The following STK32B variants were observed in gnomAD, a reference collection of about 807,000 sequenced individuals.
The protein encoded by STK32B is serine/threonine-protein kinase 32B.
A neutral mutation model predicts 52.6 loss-of-function variants in STK32B; 43 were observed. The ratio of observed to expected loss-of-function variants is 0.82; its 90% confidence interval spans 0.64 to 1.05. The LOEUF (loss-of-function observed/expected upper bound fraction) is 1.05. Among genes scored for constraint, STK32B ranks in the 50% least tolerant of loss-of-function variants. STK32B has a pLI of 0.00. For synonymous variants in STK32B, 238 were observed against 204.3 expected (o/e 1.17, Z -1.41); for missense variants, 621 against 534.6 (o/e 1.16, Z -1.59).
chr4:5,056,186 C>T (rs1742000022), intron 1 of STK32B, among the ~76,000 whole-genome samples: 1 of 152,150 alleles, frequency 6.6e-6, no homozygotes, highest in South Asian at 2.1e-4. Flanking sequence ...GAGAATCTAA[C>T]TAACGCCTGA....
chr4:5,225,348 T>C (rs1009099462), intron 3 of STK32B, among the ~76,000 whole-genome samples: 4 of 151,826 alleles, frequency 2.6e-5, no homozygotes, highest in African/African-American at 9.7e-5. Context: ...CGGAGGTTGC[T>C]GTGAGCCGAG....
intron 6 of STK32B, among the ~76,000 whole-genome samples, chr4:5,417,720 C>A (rs1471287296): frequency 6.6e-6 from 1 of 152,082 alleles, no homozygotes; most frequent in African/African-American, 2.4e-5. Context: ...TTCTGAATGT[C>A]TATATTGTTA....
chr4:5,162,838 A>G (rs924166045), intron 2 of STK32B, among the ~76,000 whole-genome samples: 1 of 152,220 alleles, frequency 6.6e-6, no homozygotes, highest in African/African-American at 2.4e-5. Flanking sequence ...GGACCTGGAT[A>G]GAGTTTGCTG....
At chr4:5,390,779 A>G (rs974787114) in intron 4 of STK32B, among the ~76,000 whole-genome samples, 1 of 152,070 alleles carries the variant, frequency 6.6e-6, no homozygotes, top group African/African-American at 2.4e-5. Flanking sequence ...CCAGAAGTCC[A>G]ATATCAAGAT....
intron 3 of STK32B, among the ~76,000 whole-genome samples, chr4:5,238,825 A>T (rs1359644203): frequency 2.6e-5 from 4 of 152,228 alleles, no homozygotes; most frequent in Non-Finnish European, 5.9e-5. Context: ...GGCACAGATA[A>T]GCATATGCCA....
intron 3 of STK32B, among the ~76,000 whole-genome samples, chr4:5,209,522 C>A (rs767718076): frequency 1.3e-5 from 2 of 152,156 alleles, no homozygotes; most frequent in Non-Finnish European, 2.9e-5. Context: ...CTGTGCCCAG[C>A]CTAGAGCTTA....
chr4:5,481,990 T>C (rs1577575888), intron 11 of STK32B, among the ~76,000 whole-genome samples: 1 of 152,340 alleles, frequency 6.6e-6, no homozygotes, highest in East Asian at 1.9e-4. Flanking sequence ...TACTGTAGTC[T>C]TGTAGTACAG....
chr4:5,071,936 C>T (rs898948771), intron 1 of STK32B, among the ~76,000 whole-genome samples: 12 of 152,228 alleles, frequency 7.9e-5, no homozygotes, highest in African/African-American at 2.4e-4. Flanking sequence ...AAACAAAACA[C>T]AAGATCAGGC....
intron 3 of STK32B, among the ~76,000 whole-genome samples, chr4:5,236,583 C>T (rs1724653831): frequency 6.6e-6 from 1 of 152,128 alleles, no homozygotes; most frequent in Non-Finnish European, 1.5e-5. Context: ...TACAGTAGGT[C>T]TGAGACGTAT....
intron 5 of STK32B, among the ~76,000 whole-genome samples, chr4:5,402,286 A>C (rs1457907290): frequency 6.6e-6 from 1 of 152,228 alleles, no homozygotes; most frequent in Non-Finnish European, 1.5e-5. Context: ...GTGATGGAAG[A>C]GGCCAGTGGA....
chr4:5,251,026 A>G (rs1319031222), intron 3 of STK32B, among the ~76,000 whole-genome samples: 1 of 152,074 alleles, frequency 6.6e-6, no homozygotes, highest in Admixed American at 6.5e-5. Context: ...TACTCTGTTG[A>G]TAGTTTCTTT....
intron 7 of STK32B, among the ~76,000 whole-genome samples, chr4:5,449,204 A>G (rs1174382636): frequency 6.6e-6 from 1 of 152,166 alleles, no homozygotes; most frequent in Non-Finnish European, 1.5e-5. Flanking sequence ...TTATCCTGGC[A>G]TGGTGGCGGG....
At chr4:5,443,761 A>C (rs1314627067) in intron 6 of STK32B, among the ~76,000 whole-genome samples, 1 of 151,912 alleles carries the variant, frequency 6.6e-6, no homozygotes, top group African/African-American at 2.4e-5. Context: ...GATGATGGTG[A>C]TGTACAGATG....
At chr4:5,106,806 A>G (rs1714133516) in intron 1 of STK32B, among the ~76,000 whole-genome samples, 1 of 152,172 alleles carries the variant, frequency 6.6e-6, no homozygotes, top group Non-Finnish European at 1.5e-5. Context: ...TTCATTTACT[A>G]GATTTTATTA....
intron 3 of STK32B, among the ~76,000 whole-genome samples, chr4:5,232,049 T>A (rs1483734022): frequency 6.6e-6 from 1 of 151,346 alleles, no homozygotes; most frequent in East Asian, 2.0e-4. Flanking sequence ...TGGGGTGGAG[T>A]GGTGAAGAAT....
chr4:5,196,369 G>A (rs1423468447), intron 3 of STK32B, among the ~76,000 whole-genome samples: 1 of 142,002 alleles, frequency 7.0e-6, no homozygotes, highest in Non-Finnish European at 1.5e-5. Flanking sequence ...TGGTGGTGGG[G>A]GGCCCACCTC....
chr4:5,070,201 C>A (rs1052165596), intron 1 of STK32B, among the ~76,000 whole-genome samples: 2 of 152,166 alleles, frequency 1.3e-5, no homozygotes, highest in African/African-American at 4.8e-5. Flanking sequence ...GCTGAACCCT[C>A]GTGCTACCTG....
At chr4:5,159,823 TG>T (rs1718295355) in intron 2 of STK32B, among the ~76,000 whole-genome samples, 1 of 148,464 alleles carries the variant, frequency 6.7e-6, no homozygotes, top group African/African-American at 2.5e-5. Context: ...TATTGGAGTT[TG>T]ATTGATTTCG....
chr4:5,475,057 G>A (rs1368337322), intron 11 of STK32B, among the ~76,000 whole-genome samples: 1 of 152,148 alleles, frequency 6.6e-6, no homozygotes, highest in Non-Finnish European at 1.5e-5. Context: ...CTAAAAGGCT[G>A]TGTGGATTGC....
Sources: gnomAD v4.1 joint callset for allele counts (sites outside exome capture counted in the v4.1 genomes callset) on GRCh38, gnomAD v4.1.1 for gene constraint, MANE v1.5 for transcripts, NCBI Gene and HGNC (gene_info 2026-07-23, HGNC 2026-07-21) for gene names.